HERC2: variants seen among roughly 807,000 people sequenced by gnomAD.
HERC2 encodes HECT and RLD domain containing E3 ubiquitin protein ligase 2.
A neutral mutation model predicts 537.7 loss-of-function variants in HERC2; 102 were observed. The observed-to-expected ratio is 0.19, with a 90% confidence interval of 0.16 to 0.22. The LOEUF is 0.22. HERC2 is among the 10% of genes least tolerant of loss of function. The pLI is 1.00. For missense variants in HERC2, 4,236 were observed against 6,198.2 expected (o/e 0.68, Z 10.63); for synonymous variants, 2,224 against 2,466.2 (o/e 0.90, Z 2.91).
At position 28,245,509 on chromosome 15, in the gene HERC2, C is replaced by T. The variant is rs559147402; in HGVS notation, c.3577+372G>A. ...TTGCAGTGAGCTGAGATCATGACAC[C>T]GCACTCCAGCCTGGGCAACAGAGCA... On this transcript the variant is annotated intron_variant, in intron 23 of 92. Coordinates refer to ENST00000261609, the MANE Select transcript of HERC2 (RefSeq NM_004667.6). Among the ~76,000 whole-genome samples, 13 of 148,900 alleles carry T rather than the reference C, an allele frequency of 8.7e-5. No individual in the cohort carries two copies. The South Asian group carries it at 1.7e-3, about 20-fold the overall frequency.
Position 28,269,617 on chromosome 15 carries a change from C to G in HERC2, c.1258-181G>C, listed in dbSNP as rs143077671. Among the ~76,000 whole-genome samples, 762 of 152,336 alleles carry G rather than the reference C, an allele frequency of 5.0e-3. 1 individual carries two copies. The highest frequency in any genetic ancestry group is 7.7e-3 in the South Asian group (37 of 4,822). On this transcript the variant is annotated intron_variant, in intron 10 of 92. Coordinates refer to ENST00000261609, the MANE Select transcript of HERC2 (RefSeq NM_004667.6). ...TCATTTAACAGGTAAGATGAAGCAA[C>G]TGAACAGGTTATTTTTCCATTTCCA...
At chr15:28,182,578 TAAA>T (rs1332023306) in intron 56 of HERC2, 66 bp from the exon 57 acceptor site, 1 of 1,271,974 alleles carries the variant, frequency 7.9e-7, no homozygotes, top group East Asian at 2.3e-5. Flanking sequence ...ATTTAAAAAA[TAAA>T]AAGAAAAGCA....
intron 69 of HERC2, among the ~76,000 whole-genome samples, chr15:28,160,850 T>C (rs932550373): frequency 6.6e-6 from 1 of 152,258 alleles, no homozygotes; most frequent in African/African-American, 2.4e-5. Context: ...AGACTGGAGC[T>C]GTTCCTATTC....
At chr15:28,131,990 A>G in intron 81 of HERC2, 110 bp downstream of exon 81, 1 of 911,358 alleles carries the variant, frequency 1.1e-6, no homozygotes, top group Non-Finnish European at 1.6e-6. Context: ...TAAGGAGCAC[A>G]CACGGGGGAC....
At chr15:28,273,243 C>A in intron 7 of HERC2, 1 of 569,624 alleles carries the variant, frequency 1.8e-6, no homozygotes, top group Admixed American at 3.2e-5. Context: ...CAGTAGATGA[C>A]ATACTCCATG....
At chr15:28,281,059 A>G (rs1279686914) in intron 4 of HERC2, among the ~76,000 whole-genome samples, 5 of 152,230 alleles carry the variant, frequency 3.3e-5, no homozygotes, top group African/African-American at 1.2e-4. Flanking sequence ...TGATAAAATT[A>G]CCCAGCATGC....
At chr15:28,114,099 C>T in intron 90 of HERC2, among the ~76,000 whole-genome samples, 1 of 152,228 alleles carries the variant, frequency 6.6e-6, no homozygotes, top group Non-Finnish European at 1.5e-5. Flanking sequence ...CCACAGGGCC[C>T]ACCTGCCACA....
intron 2 of HERC2, among the ~76,000 whole-genome samples, chr15:28,311,446 CAG>C (rs1390690240): frequency 6.6e-6 from 1 of 151,970 alleles, no homozygotes; most frequent in Non-Finnish European, 1.5e-5. Context: ...GCCTGGGCAA[CAG>C]AGTGAGACCC....
At chr15:28,228,025 T>C (rs1273707342) in intron 35 of HERC2, among the ~76,000 whole-genome samples, 193 bp downstream of exon 35, 1 of 151,664 alleles carries the variant, frequency 6.6e-6, no homozygotes, top group Non-Finnish European at 1.5e-5. Context: ...AACTAGACAG[T>C]GGTGATGACT....
At chr15:28,209,817 T>C (rs1441817582) in intron 44 of HERC2, among the ~76,000 whole-genome samples, 1 of 152,072 alleles carries the variant, frequency 6.6e-6, no homozygotes, top group Non-Finnish European at 1.5e-5. Context: ...TCATTTTGAA[T>C]GGCACCATGG....
chr15:28,147,510 G>A (rs969171130), intron 70 of HERC2, among the ~76,000 whole-genome samples: 11 of 151,434 alleles, frequency 7.3e-5, no homozygotes, highest in African/African-American at 1.9e-4. Context: ...AGCTGGGCAC[G>A]GCCTATAGTC....
At chr15:28,139,350 CAG>C (rs916043955) in intron 78 of HERC2, among the ~76,000 whole-genome samples, 3 of 152,210 alleles carry the variant, frequency 2.0e-5, no homozygotes, top group South Asian at 2.1e-4. Context: ...CTCTCGCTGA[CAG>C]AGTCAGCTGC....
intron 57 of HERC2, among the ~76,000 whole-genome samples, chr15:28,179,693 A>G (rs1023088598): frequency 6.6e-6 from 1 of 152,238 alleles, no homozygotes; most frequent in Non-Finnish European, 1.5e-5. Flanking sequence ...CTGCTGTCAC[A>G]GGAAAGGACA....
At chr15:28,285,042 A>G (rs1159411505) in intron 4 of HERC2, among the ~76,000 whole-genome samples, 1 of 152,142 alleles carries the variant, frequency 6.6e-6, no homozygotes, top group Non-Finnish European at 1.5e-5. Flanking sequence ...CATACACCAA[A>G]CAAACAAAGA....
chr15:28,203,270 C>T (rs1157046307), intron 45 of HERC2: 1 of 134,286 alleles, frequency 7.4e-6, no homozygotes, highest in African/African-American at 2.9e-5. Flanking sequence ...TCCCCAGCTG[C>T]TCTCATAGCA....
rs1456403208 is a variant in HERC2, at chr15:28,132,700, C to T, written c.12361G>A (p.Gly4121Ser). The T allele has an allele frequency of 1.3e-6, 2 of 1,590,660 alleles. No individual in the cohort carries two copies. Among genetic ancestry groups the T allele is most frequent in the Admixed American group, 1.8e-5 (1 of 56,654 alleles). The part of the protein sequence containing the change: ...DLYTWGKGRY[G>S]RLGHSDSEDQ... ...TCACTGTCGCTGTGCCCCAGCCGGCCGTAGCGGCCTTTGCCCCATGTGTAG... is the reference window on the plus strand; with the variant it reads ...TCACTGTCGCTGTGCCCCAGCCGGCTGTAGCGGCCTTTGCCCCATGTGTAG... The change falls in exon 80 of 93, where the codon GGC (glycine) becomes AGC (serine). Residue 4121 changes from glycine to serine, a missense_variant. Coordinates refer to ENST00000261609, the MANE Select transcript of HERC2 (RefSeq NM_004667.6).
At chr15:28,297,770 G>C (rs995066644) in intron 3 of HERC2, among the ~76,000 whole-genome samples, 1 of 151,820 alleles carries the variant, frequency 6.6e-6, no homozygotes, top group African/African-American at 2.4e-5. Context: ...GGTTACATGG[G>C]TTACATTTGT....
chr15:28,279,217 G>A (rs75973130), intron 5 of HERC2, among the ~76,000 whole-genome samples: 10,462 of 151,816 alleles, frequency 0.069, 872 homozygotes, highest in East Asian at 0.42. Flanking sequence ...TCCAACTCCC[G>A]ACCTGAGGTG....
At position 28,213,868 on chromosome 15, in the gene HERC2, G is replaced by A. The variant is rs543103599; in HGVS notation, c.6660C>T (p.Gly2220=). ...CAAACTCATCGTGCATAACTTGACC[G>A]CCCAGGCGCAGGCGACCATCGATGC... ...IGGIDGRLRL[G]GQVMHDEFGE... is the part of the protein sequence containing the mutation. The change falls in exon 42 of 93, where the codon GGC becomes GGT. Residue 2220 remains glycine, a synonymous_variant. Transcript: ENST00000261609. The A allele has an allele frequency of 1.4e-4, 231 of 1,613,928 alleles. No individual in the cohort carries two copies. Among genetic ancestry groups the A allele is most frequent in the South Asian group, 1.4e-3 (130 of 91,060 alleles).
Sources: allele counts gnomAD v4.1 joint callset (sites outside exome capture counted in the v4.1 genomes callset), GRCh38; gene constraint gnomAD v4.1.1; transcripts MANE v1.5; gene names NCBI Gene and HGNC (gene_info 2026-07-23, HGNC 2026-07-21).